Variants in LUZP1 observed in about 807,000 individuals in gnomAD.
The protein encoded by LUZP1 is leucine zipper protein 1.
Under a neutral mutation model 71.3 loss-of-function variants are expected in LUZP1, and 25 were observed. The observed-to-expected ratio is 0.35, with a 90% CI of 0.26 to 0.49. The LOEUF (loss-of-function observed/expected upper bound fraction) is 0.49. Among genes scored for constraint, LUZP1 ranks in the 20% least tolerant of loss-of-function variants. The pLI, the probability that LUZP1 is intolerant of heterozygous loss-of-function variation, is 0.99. For synonymous variants in LUZP1, 481 were observed against 506.4 expected (o/e 0.95, Z 0.67); for missense variants, 1,142 against 1,300.8 (o/e 0.88, Z 1.88).
chr1:23,131,219 CAAAAAAAAAAAAAAAAA>C (rs71020480), intron 2 of LUZP1, among the ~76,000 whole-genome samples: 1 of 45,032 alleles, frequency 2.2e-5, no homozygotes, highest in Non-Finnish European at 3.6e-5. Context: ...GACTCCATCT[CAAAAAAAAAAAAAAAAA>C]AAAAAAAAAA....
At chr1:23,091,637 A>T (rs1406015142) in exon 4 of LUZP1, 2 of 1,613,962 alleles carry the variant, frequency 1.2e-6, no homozygotes, top group Admixed American at 1.7e-5. Context: ...TGCTGCTCCG[A>T]GAGACCACTG....
intron 3 of LUZP1, among the ~76,000 whole-genome samples, chr1:23,096,525 C>T (rs1643892931): frequency 6.6e-6 from 1 of 152,004 alleles, no homozygotes; most frequent in African/African-American, 2.4e-5. Flanking sequence ...TAAATCTGCA[C>T]CTAGGATTTA....
chr1:23,175,118 G>A (rs1205989647), intron 1 of LUZP1, among the ~76,000 whole-genome samples: 1 of 151,956 alleles, frequency 6.6e-6, no homozygotes, highest in Non-Finnish European at 1.5e-5. Context: ...TTGCAGACTG[G>A]GAAAACAAGG....
At chr1:23,138,687 GTGTGTGTGTGTATATATATA>G (rs1557672189) in intron 2 of LUZP1, among the ~76,000 whole-genome samples, 2 of 105,998 alleles carry the variant, frequency 1.9e-5, no homozygotes, top group African/African-American at 1.1e-4. Context: ...GTGTGTGTGT[GTGTGTGTGTGTATATATATA>G]TATATATAAA....
At chr1:23,129,034 A>G (rs539616731) in intron 2 of LUZP1, among the ~76,000 whole-genome samples, 1 of 152,182 alleles carries the variant, frequency 6.6e-6, no homozygotes, top group Non-Finnish European at 1.5e-5. Flanking sequence ...CTATAGCATC[A>G]CTCCTAATGA....
chr1:23,096,406 CA>C (rs1364270749), intron 3 of LUZP1, among the ~76,000 whole-genome samples: 2 of 152,136 alleles, frequency 1.3e-5, no homozygotes, highest in African/African-American at 4.8e-5. Flanking sequence ...GGATAGAATA[CA>C]GAATAGGGAA....
chr1:23,110,915 A>G (rs1033984226), intron 2 of LUZP1, among the ~76,000 whole-genome samples: 9 of 152,068 alleles, frequency 5.9e-5, no homozygotes, highest in African/African-American at 2.2e-4. Flanking sequence ...TACTGATAGT[A>G]TCGGCCAGGC....
At chr1:23,129,280 G>A (rs1315946020) in intron 2 of LUZP1, among the ~76,000 whole-genome samples, 1 of 152,100 alleles carries the variant, frequency 6.6e-6, no homozygotes, top group African/African-American at 2.4e-5. Flanking sequence ...TCAAAACCCA[G>A]ATTATAAAGA....
intron 2 of LUZP1, among the ~76,000 whole-genome samples, chr1:23,160,778 T>C (rs951936446): frequency 1.3e-5 from 2 of 152,296 alleles, no homozygotes; most frequent in African/African-American, 4.8e-5. Flanking sequence ...CTAATTAAGA[T>C]ATTAATAGAA....
At chr1:23,106,357 C>A (rs926660755) in intron 3 of LUZP1, among the ~76,000 whole-genome samples, 7 of 152,114 alleles carry the variant, frequency 4.6e-5, no homozygotes, top group African/African-American at 1.7e-4. Context: ...AATCCTAGCG[C>A]ACTTTGGGAG....
At chr1:23,090,845 T>G in intron 4 of LUZP1, 1 of 717,032 alleles carries the variant, frequency 1.4e-6, no homozygotes, top group Non-Finnish European at 2.6e-6. Context: ...CTGCAGCTGC[T>G]TCTTGTGCTT....
intron 2 of LUZP1, among the ~76,000 whole-genome samples, chr1:23,115,304 A>C (rs866066043): frequency 6.6e-6 from 1 of 152,332 alleles, no homozygotes; most frequent in Middle Eastern, 3.4e-3. Flanking sequence ...AGACCTTTTT[A>C]GGAAGCTAGT....
At position 23,159,759 on chromosome 1, in the gene LUZP1, C is replaced by T. The variant is rs148659973; in HGVS notation, c.-226+9007G>A. On this transcript the variant is annotated intron_variant, in intron 2 of 4. Coordinates refer to ENST00000302291, the Ensembl canonical transcript of LUZP1. ...CAACACTTTGGGAAGCCAAGGCAGG[C>T]GGATTACTTGAGGTCAGGAGTTCGA... Among the ~76,000 whole-genome samples, 486 of 152,262 alleles carry T rather than the reference C, an allele frequency of 3.2e-3. 2 individuals carry two copies. The highest frequency in any genetic ancestry group is 0.011 in the African/African-American group (467 of 41,558).
At chr1:23,096,577 T>C (rs1314815054) in intron 3 of LUZP1, among the ~76,000 whole-genome samples, 2 of 152,054 alleles carry the variant, frequency 1.3e-5, no homozygotes, top group East Asian at 3.8e-4. Flanking sequence ...TACGGAAGAA[T>C]GTATCACAAA....
exon 4 of LUZP1, chr1:23,092,534 T>C (rs1643867260): frequency 7.4e-6 from 12 of 1,614,120 alleles, no homozygotes; most frequent in African/African-American, 5.3e-5. Flanking sequence ...TAGAGAGCCC[T>C]TCTGAGGAGG....
intron 2 of LUZP1, among the ~76,000 whole-genome samples, chr1:23,136,638 G>A (rs1569641776): frequency 6.6e-6 from 1 of 152,304 alleles, no homozygotes; most frequent in Middle Eastern, 3.4e-3. Flanking sequence ...GACGGGCACG[G>A]TGGCTCACGC....
At chr1:23,112,986 T>C (rs1644046811) in intron 2 of LUZP1, among the ~76,000 whole-genome samples, 1 of 152,356 alleles carries the variant, frequency 6.6e-6, no homozygotes, top group Middle Eastern at 3.4e-3. Context: ...TGACAGAGTT[T>C]GCAGTTTTGA....
exon 5 of LUZP1, chr1:23,084,852 A>C (rs1643737032): frequency 6.6e-6 from 1 of 152,436 alleles, no homozygotes; most frequent in South Asian, 2.1e-4. Context: ...ACCCAATTTT[A>C]AGTATTACAC....
In LUZP1 at chr1:23,142,686, AATAT is replaced by A. The variant is rs147043620; in HGVS notation, c.-226+26076_-226+26079del. Among the ~76,000 whole-genome samples the A allele has an allele frequency of 3.0e-3, 347 of 117,510 alleles. 2 individuals are homozygous for A. The highest frequency in any genetic ancestry group is 7.4e-3 in the South Asian group (25 of 3,398). 77.1% of individuals were successfully genotyped at this position (117,510 alleles called of 152,430 possible). A position where few individuals can be genotyped will look rare whatever the true frequency, so the allele number is the denominator to read the frequency against. On this transcript the variant is annotated intron_variant, in intron 2 of 4. Coordinates refer to ENST00000302291, the Ensembl canonical transcript of LUZP1. ...CATCCAATAAATGGTGGGTGCATAA[AATAT>A]ATATATATATACACACACACACACA...
Sources: allele counts gnomAD v4.1 joint callset (sites outside exome capture counted in the v4.1 genomes callset), GRCh38; gene constraint gnomAD v4.1.1; transcripts MANE v1.5; gene names NCBI Gene and HGNC (gene_info 2026-07-23, HGNC 2026-07-21).